CCDC187: variants seen among roughly 807,000 people sequenced by gnomAD.
CCDC187 encodes coiled-coil domain-containing protein 187.
Under a neutral mutation model 38.0 loss-of-function variants are expected in CCDC187, and 32 were observed. The ratio of observed to expected loss-of-function variants is 0.84; its 90% CI spans 0.64 to 1.13. CCDC187 has a LOEUF of 1.13. CCDC187 is among the 50% of genes most tolerant of loss of function. CCDC187 has a pLI of 0.00. For missense variants in CCDC187, 707 were observed against 786.8 expected (o/e 0.90, Z 1.21); for synonymous variants, 333 against 347.9 (o/e 0.96, Z 0.48).
At chr9:136,269,657 TA>T (rs1188639203) in intron 14 of CCDC187, among the ~76,000 whole-genome samples, 1 of 151,134 alleles carries the variant, frequency 6.6e-6, no homozygotes, top group Non-Finnish European at 1.5e-5. Flanking sequence ...AAGGAAAAAT[TA>T]AAAAAAAGGA....
chr9:136,259,397 G>C lies in CCDC187; in HGVS notation c.4262C>G (p.Pro1421Arg). The change falls in exon 21 of 26, where the codon CCC (proline) becomes CGC (arginine). Residue 1421 changes from proline to arginine, a missense_variant. By Grantham distance (103) the Pro-to-Arg change is moderately radical (BLOSUM62 -2). Coordinates refer to ENST00000638797, the MANE Select transcript of CCDC187 (RefSeq NM_001378188.1). ...APLLGLQHVS[P>R]PDGQRLGPAF... Reference sequence around the variant, plus strand: ...TGGGCCCAGCCGCTGTCCGTCCGGGGGGCTCACGTGCTGCAGGCCCAGCAG... The same window carrying C: ...TGGGCCCAGCCGCTGTCCGTCCGGGCGGCTCACGTGCTGCAGGCCCAGCAG... 1.0e-6 allele frequency: 1 copy of C among 985,406 alleles called. No homozygotes were observed. The highest frequency in any genetic ancestry group is 1.2e-6 in the Non-Finnish European group (1 of 830,066). 61.0% of individuals were successfully genotyped at this position (985,406 alleles called of 1,614,324 possible). A position where few individuals can be genotyped will look rare whatever the true frequency, so the allele number is the denominator to read the frequency against.
Position 136,263,640 on chromosome 9 carries a change from G to A in CCDC187, c.3894C>T (p.Ala1298=). The A allele has an allele frequency of 2.0e-6, 2 of 985,468 alleles. No individual in the cohort carries two copies. Among genetic ancestry groups the A allele is most frequent in the Non-Finnish European group, 2.4e-6 (2 of 829,950 alleles). 61.0% of individuals were successfully genotyped at this position (985,468 alleles called of 1,614,324 possible). Residue 1298 remains alanine (A), a synonymous_variant, in exon 18 of 26, where the codon GCC becomes GCT. Transcript: ENST00000638797. ...CACCCACCTGCTGCAGCTTGGCCTG[G>A]GCCTGCAGCTCGTGCGCTGGGACGA... ...TDVVPAHELQ[A]QAKLQQGSSP...
At chr9:136,268,970 G>A (rs1312876016) in intron 14 of CCDC187, among the ~76,000 whole-genome samples, 1 of 152,206 alleles carries the variant, frequency 6.6e-6, no homozygotes, top group Admixed American at 6.5e-5. Context: ...GAGGACCAAG[G>A]CAGCTGGAGT....
intron 4 of CCDC187, among the ~76,000 whole-genome samples, chr9:136,293,300 CACAT>C (rs1172359841): frequency 1.3e-5 from 2 of 151,278 alleles, no homozygotes; most frequent in African/African-American, 4.9e-5. Context: ...CACTCACAAA[CACAT>C]GTTCACACAC....
Position 136,258,668 on chromosome 9 carries a change from G to A in CCDC187, c.4366+264C>T, listed in dbSNP as rs949787127. The A allele has an allele frequency of 1.9e-4, 182 of 983,350 alleles. No homozygotes were observed. Among genetic ancestry groups the A allele is most frequent in the Non-Finnish European group, 2.0e-4 (168 of 828,128 alleles). The allele number at this position is 983,350 out of a possible 1,614,324, so 60.9% of individuals were successfully genotyped here. Reference sequence around the variant, plus strand: ...ACTTAAAAATCTGCCCCAGATGAACGAAGTTGCGACTAAAACAATCCCAGC... The same window carrying A: ...ACTTAAAAATCTGCCCCAGATGAACAAAGTTGCGACTAAAACAATCCCAGC... On this transcript the variant is annotated intron_variant, in intron 22 of 25. Transcript: ENST00000638797. This position sits in a 1 kb window ranked among gnomAD's most constrained non-coding sequence, Gnocchi z 4.3.
At chr9:136,256,138 GA>G (rs2131108741) in intron 24 of CCDC187, 72 bp downstream of exon 24, 1 of 807,794 alleles carries the variant, frequency 1.2e-6, no homozygotes, top group East Asian at 1.2e-4. Context: ...ACAGCAGGGG[GA>G]CAGGGGGTAC....
intron 14 of CCDC187, among the ~76,000 whole-genome samples, chr9:136,273,910 A>G (rs1830882210): frequency 6.6e-6 from 1 of 152,212 alleles, no homozygotes; most frequent in Non-Finnish European, 1.5e-5. Context: ...TGAGGGCTGA[A>G]ATCACCTTGT....
intron 16 of CCDC187, 66 bp from the exon 17 acceptor site, chr9:136,266,109 A>G: frequency 1.1e-6 from 1 of 905,958 alleles, no homozygotes; most frequent in Non-Finnish European, 1.3e-6. Context: ...AGAAAGTCAC[A>G]GACACAGCCA....
chr9:136,291,268 G>C lies in CCDC187; in HGVS notation c.1345C>G (p.Pro449Ala), dbSNP rs1262267048. 2.5e-6 allele frequency: 1 copy of C among 398,708 alleles called. No individual in the cohort carries two copies. Among genetic ancestry groups the C allele is most frequent in the African/African-American group, 2.1e-5 (1 of 48,656 alleles). The allele number at this position is 398,708 out of a possible 1,614,324, so 24.7% of individuals were successfully genotyped here. ...ERARSVHTWE[P>A]WSSSTARESC... ...TCCCGTGCAGTGGAGGAGCTCCAGG[G>C]CTCCCAGGTGTGGACACTCCTAGCC... is the stretch of plus-strand genomic sequence containing the variant. Residue 449 changes from proline to alanine, a missense_variant, in exon 6 of 26, where the codon CCC becomes GCC. Pro to Ala is a conservative substitution (Grantham distance 27). Transcript: ENST00000638797.
At chr9:136,269,998 GA>G (rs1412286921) in intron 14 of CCDC187, among the ~76,000 whole-genome samples, 2 of 152,338 alleles carry the variant, frequency 1.3e-5, no homozygotes, top group South Asian at 2.1e-4. Flanking sequence ...TGCAGAAGGA[GA>G]GATGAACGAA....
chr9:136,304,760 G>A (rs911542873), upstream of CCDC187, among the ~76,000 whole-genome samples: 87 of 152,334 alleles, frequency 5.7e-4, no homozygotes, highest in African/African-American at 2.0e-3. Flanking sequence ...AGCCCCTGGT[G>A]AGTCCATCCC....
At position 136,281,600 on chromosome 9, in the gene CCDC187, C is replaced by T. The variant is rs1324866219; in HGVS notation, c.2991G>A (p.Pro997=). 7.5e-6 allele frequency: 3 copies of T among 398,642 alleles called. No homozygotes were observed. The highest frequency in any genetic ancestry group is 2.1e-5 in the African/African-American group (1 of 48,744). The allele number at this position is 398,642 out of a possible 1,614,324, so 24.7% of individuals were successfully genotyped here. A position where few individuals can be genotyped will look rare whatever the true frequency, so the allele number is the denominator to read the frequency against. Residue 997 remains proline, a synonymous_variant, in exon 10 of 26, where the codon CCG becomes CCA. Transcript: ENST00000638797. ...CCACAGAATCTGCCCCTCCGACCGA[C>T]GGCGTCTCCTCCAGTCCCAGGGAGC... ...IWGSLGLEET[P]SVGGADSVAP...
chr9:136,303,306 G>T lies in CCDC187; in HGVS notation c.144-13C>A. 1 of 397,396 alleles carries T rather than the reference G, an allele frequency of 2.5e-6. No homozygotes were observed. Among genetic ancestry groups the T allele is most frequent in the Non-Finnish European group, 4.4e-6 (1 of 225,806 alleles). The allele number at this position is 397,396 out of a possible 1,614,324, so 24.6% of individuals were successfully genotyped here. ...AGGTGCGCAGAGCCTGGGAGGGAAC[G>T]GCAGACATGCCGGTCAGACATGCAG... On this transcript the variant is annotated splice_polypyrimidine_tract_variant and intron_variant, in intron 1 of 25. Coordinates refer to ENST00000638797, the MANE Select transcript of CCDC187 (RefSeq NM_001378188.1).
chr9:136,254,705 T>A lies in CCDC187; in HGVS notation c.5123A>T (p.Gln1708Leu), dbSNP rs1193545598. Residue 1708 changes from glutamine to leucine, a missense_variant, in exon 26 of 26, where the codon CAG becomes CTG. Coordinates refer to ENST00000638797, the MANE Select transcript of CCDC187 (RefSeq NM_001378188.1). ...ACGCAGGGGGCCGGCCCTGCGGCCC[T>A]GGGGCCTCTGCCAGGTCACCCATCC... The part of the protein sequence containing the change: ...GGGWVTWQRP[Q>L]GRRAGPLRGS... 2 of 985,406 alleles carry A rather than the reference T, an allele frequency of 2.0e-6. No individual in the cohort carries two copies. The highest frequency in any genetic ancestry group is 3.5e-5 in the African/African-American group (2 of 57,238). 61.0% of individuals were successfully genotyped at this position (985,406 alleles called of 1,614,324 possible). A position where few individuals can be genotyped will look rare whatever the true frequency, so the allele number is the denominator to read the frequency against.
chr9:136,262,613 A>C (rs1830692770), intron 18 of CCDC187, among the ~76,000 whole-genome samples, 151 bp from the exon 19 acceptor site: 2 of 152,050 alleles, frequency 1.3e-5, no homozygotes, highest in South Asian at 4.1e-4. Context: ...CTGAGACAGG[A>C]CCTCTCATTT....
chr9:136,259,336 G>A (rs1314900273), intron 21 of CCDC187, 27 bp downstream of exon 21: 2 of 977,700 alleles, frequency 2.0e-6, no homozygotes, highest in African/African-American at 3.5e-5. Context: ...CGGTGCTGGG[G>A]AAAGGGCTTC....
intron 7 of CCDC187, among the ~76,000 whole-genome samples, chr9:136,286,926 A>G (rs1281431703): frequency 2.0e-5 from 3 of 152,222 alleles, no homozygotes; most frequent in Non-Finnish European, 2.9e-5. Flanking sequence ...GATCCCGGGC[A>G]CTGCCGGTGG....
At position 136,258,895 on chromosome 9, in the gene CCDC187, G is replaced by A. The variant is rs888608987; in HGVS notation, c.4366+37C>T. Reference sequence around the variant, plus strand: ...GCTGGATGTGGGGGAAGTGTCTGGCGCCGTGGAGGCCCACGCGGTGTTTCC... The same window carrying A: ...GCTGGATGTGGGGGAAGTGTCTGGCACCGTGGAGGCCCACGCGGTGTTTCC... On this transcript the variant is annotated intron_variant, in intron 22 of 25. Transcript: ENST00000638797. The surrounding 1 kb of genome is among the most constrained non-coding windows in gnomAD (Gnocchi z 4.3). 25 of 985,418 alleles carry A rather than the reference G, an allele frequency of 2.5e-5. No homozygotes were observed. Among genetic ancestry groups the A allele is most frequent in the South Asian group, 4.7e-5 (1 of 21,298 alleles). The allele number at this position is 985,418 out of a possible 1,614,324, so 61.0% of individuals were successfully genotyped here.
At position 136,267,507 on chromosome 9, in the gene CCDC187, A is replaced by C; in HGVS notation, c.3524T>G (p.Leu1175Arg). The change falls in exon 16 of 26, where the codon CTG becomes CGG. Residue 1175 changes from leucine (L) to arginine (R), a missense_variant. Physicochemically the swap from Leu to Arg is moderately radical, Grantham distance 102. Transcript: ENST00000638797. ...CTCCTCCTCCCGCAGGCTCCGCTCC[A>C]GCATCTGCAGCTTGAAGCGGCCCAA... ...FPPDNPTHQM[L>R]ERSLREEELR... The C allele has an allele frequency of 1.0e-6, 1 of 985,636 alleles. No homozygotes were observed. The highest frequency in any genetic ancestry group is 1.2e-6 in the Non-Finnish European group (1 of 830,072). 61.1% of individuals were successfully genotyped at this position (985,636 alleles called of 1,614,324 possible).
Sources: allele counts gnomAD v4.1 joint callset (sites outside exome capture counted in the v4.1 genomes callset), GRCh38; gene constraint gnomAD v4.1.1; non-coding constraint Gnocchi (gnomAD v3.1); transcripts MANE v1.5; gene names NCBI Gene and HGNC (gene_info 2026-07-23, HGNC 2026-07-21).